Variants in CREB3L2 observed in about 807,000 individuals in gnomAD.
CREB3L2 encodes cAMP responsive element binding protein 3 like 2.
CREB3L2 carries 23 observed loss-of-function variants against 57.2 expected under a neutral mutation model. The observed-to-expected ratio is 0.40, with a 90% CI of 0.29 to 0.57. CREB3L2 has a LOEUF of 0.57. CREB3L2 is among the 20% of genes least tolerant of loss of function. CREB3L2 has a pLI of 0.42. For missense variants in CREB3L2, 628 were observed against 634.7 expected (o/e 0.99, Z 0.11); for synonymous variants, 268 against 265.1 (o/e 1.01, Z -0.11).
At chr7:137,914,867 T>C (rs567142435) in intron 3 of CREB3L2, among the ~76,000 whole-genome samples, 3 of 152,226 alleles carry the variant, frequency 2.0e-5, no homozygotes, top group South Asian at 2.1e-4. Context: ...TCTGAACAGG[T>C]AGACACTACA....
At chr7:137,987,928 G>C (rs967353358) in intron 1 of CREB3L2, among the ~76,000 whole-genome samples, 1 of 152,222 alleles carries the variant, frequency 6.6e-6, no homozygotes, top group Non-Finnish European at 1.5e-5. Context: ...GTGATAAAAA[G>C]TCATCTGTTT....
rs1309602743 is a variant in CREB3L2, at chr7:137,880,468, C to G, written c.*8G>C. On this transcript the variant is annotated 3_prime_UTR_variant, in exon 12 of 12. Coordinates refer to ENST00000330387, the MANE Select transcript of CREB3L2 (RefSeq NM_194071.4). This position sits in a 1 kb window ranked among gnomAD's most constrained non-coding sequence, Gnocchi z 4.0. ...TTAAGGGAAAGGGAGGGGGTGCAGGCAGCCTCTTTAGAAAGTGGTGTTCAC... is the reference window on the plus strand; with the variant it reads ...TTAAGGGAAAGGGAGGGGGTGCAGGGAGCCTCTTTAGAAAGTGGTGTTCAC... 2 of 1,609,982 alleles carry G rather than the reference C, an allele frequency of 1.2e-6. No individual in the cohort carries two copies. The highest frequency in any genetic ancestry group is 2.2e-5 in the East Asian group (1 of 44,870).
At chr7:138,000,650 G>A (rs1313565694) in intron 1 of CREB3L2, among the ~76,000 whole-genome samples, 1 of 152,126 alleles carries the variant, frequency 6.6e-6, no homozygotes, top group African/African-American at 2.4e-5. Context: ...AAGCAGCCAA[G>A]CCTCCAGTGG....
intron 2 of CREB3L2, among the ~76,000 whole-genome samples, chr7:137,922,438 GTA>G (rs777359777): frequency 0.13 from 1,235 of 9,866 alleles, 18 homozygotes; most frequent in South Asian, 0.2. Context: ...ATATATATAC[GTA>G]TATATATATA....
At chr7:137,996,894 T>A (rs1174890053) in intron 1 of CREB3L2, among the ~76,000 whole-genome samples, 1 of 152,236 alleles carries the variant, frequency 6.6e-6, no homozygotes, top group East Asian at 1.9e-4. Context: ...AAAGACTTAG[T>A]TTTTATGATA....
At chr7:137,964,595 T>C (rs1801379402) in intron 1 of CREB3L2, among the ~76,000 whole-genome samples, 1 of 152,178 alleles carries the variant, frequency 6.6e-6, no homozygotes, top group Non-Finnish European at 1.5e-5. Context: ...CCCACAAAGA[T>C]GGGGAGGGAA....
Position 137,972,726 on chromosome 7 carries a change from TATATATATATAGAGAGAGAG to T in CREB3L2, c.102+28858_102+28877del, listed in dbSNP as rs1351074533. ...AAAAAAAAAAAAATATATATATATA[TATATATATATAGAGAGAGAG>T]AGAGAGAGAGAGAGAGAGAGAGAGA... On this transcript the variant is annotated intron_variant, in intron 1 of 11. Coordinates refer to ENST00000330387, the MANE Select transcript of CREB3L2 (RefSeq NM_194071.4). 1.1e-3 allele frequency among the ~76,000 whole-genome samples: 29 copies of T among 26,516 alleles called. 1 individual carries two copies. Among genetic ancestry groups the T allele is most frequent in the African/African-American group, 7.6e-3 (27 of 3,540 alleles). 17.4% of individuals were successfully genotyped at this position (26,516 alleles called of 152,430 possible).
chr7:137,917,783 A>G (rs1800168404), intron 2 of CREB3L2, among the ~76,000 whole-genome samples: 1 of 152,172 alleles, frequency 6.6e-6, no homozygotes, highest in African/African-American at 2.4e-5. Context: ...CCCAGCCTCA[A>G]TTTATTTCCC....
At chr7:137,910,486 T>A (rs1208972646) in intron 4 of CREB3L2, among the ~76,000 whole-genome samples, 1 of 152,078 alleles carries the variant, frequency 6.6e-6, no homozygotes, top group East Asian at 1.9e-4. Flanking sequence ...GGTGCTTGGC[T>A]AAGAGTGAGG....
intron 2 of CREB3L2, among the ~76,000 whole-genome samples, chr7:137,922,370 C>CTATA (rs201270472): frequency 9.9e-6 from 1 of 100,760 alleles, no homozygotes; most frequent in African/African-American, 4.5e-5. Context: ...TTCTGGTTTA[C>CTATA]TATATATATA....
chr7:137,922,469 T>TATATAC (rs1800347954), intron 2 of CREB3L2: 1 of 132,806 alleles, frequency 7.5e-6, no homozygotes, highest in African/African-American at 4.3e-5. Flanking sequence ...CATATATATA[T>TATATAC]ACACACATAT....
At chr7:137,973,177 A>G (rs200739014) in intron 1 of CREB3L2, among the ~76,000 whole-genome samples, 1 of 39,700 alleles carries the variant, frequency 2.5e-5, no homozygotes, top group Admixed American at 3.2e-4. Flanking sequence ...ATAATAATGA[A>G]AAAAAAAAAA....
At chr7:137,908,498 G>T in intron 4 of CREB3L2, 62 bp from the exon 5 acceptor site, 1 of 1,199,920 alleles carries the variant, frequency 8.3e-7, no homozygotes, top group Non-Finnish European at 1.0e-6. Flanking sequence ...CAACTGATTT[G>T]TGGCATAGCA....
At chr7:137,891,220 T>C (rs190931753) in intron 8 of CREB3L2, among the ~76,000 whole-genome samples, 71 of 152,298 alleles carry the variant, frequency 4.7e-4, no homozygotes, top group African/African-American at 1.5e-3. Flanking sequence ...AAAGCAGCTG[T>C]CAGCCTTGCC....
chr7:137,931,627 T>C (rs1800641106), intron 1 of CREB3L2, among the ~76,000 whole-genome samples: 2 of 150,286 alleles, frequency 1.3e-5, no homozygotes, highest in Admixed American at 1.3e-4. Context: ...AGGTCAGGAG[T>C]TCGAGGCTGG....
chr7:137,938,403 T>C (rs1200824985), intron 1 of CREB3L2, among the ~76,000 whole-genome samples: 1 of 152,144 alleles, frequency 6.6e-6, no homozygotes, highest in African/African-American at 2.4e-5. Context: ...TGGGGTACAG[T>C]GGTGCGATCT....
At position 137,905,394 on chromosome 7, in the gene CREB3L2, A is replaced by T. The variant is rs1437017630; in HGVS notation, c.915+308T>A. 4.2e-4 allele frequency among the ~76,000 whole-genome samples: 4 copies of T among 9,584 alleles called. No homozygotes were observed. In the African/African-American group the frequency reaches 0.017, roughly 40 times the overall value. 6.3% of individuals were successfully genotyped at this position (9,584 alleles called of 152,430 possible). On this transcript the variant is annotated intron_variant, in intron 6 of 11. Transcript: ENST00000330387. ...ACCCAAAATTTAAAAGGCTGAGTTA[A>T]AAAAAAAAAAAAAAAACTAGATGGA... is the stretch of plus-strand genomic sequence containing the variant.
intron 1 of CREB3L2, among the ~76,000 whole-genome samples, chr7:137,975,275 T>C (rs1372493107): frequency 5.3e-5 from 8 of 151,972 alleles, no homozygotes; most frequent in Admixed American, 2.0e-4. Flanking sequence ...GGAGAACAGA[T>C]TGAATTTGCT....
At chr7:137,947,457 A>G (rs1035660345) in intron 1 of CREB3L2, among the ~76,000 whole-genome samples, 2 of 152,182 alleles carry the variant, frequency 1.3e-5, no homozygotes, top group African/African-American at 4.8e-5. Context: ...AACCTGTGAC[A>G]CTTTCAGTCA....
Sources: gnomAD v4.1 joint callset for allele counts (sites outside exome capture counted in the v4.1 genomes callset) on GRCh38, gnomAD v4.1.1 for gene constraint, Gnocchi (gnomAD v3.1) non-coding constraint, MANE v1.5 for transcripts, NCBI Gene and HGNC (gene_info 2026-07-23, HGNC 2026-07-21) for gene names.